The following EPHA6 variants were observed in gnomAD, a reference collection of about 807,000 sequenced individuals.
The protein encoded by EPHA6 is ephrin type-A receptor 6.
In EPHA6, 50 loss-of-function variants were observed where a neutral mutation model predicts 112.0. The ratio of observed to expected loss-of-function variants is 0.45; its 90% CI spans 0.36 to 0.56. The LOEUF (loss-of-function observed/expected upper bound fraction) is 0.56. Ranked by LOEUF, EPHA6 falls within the 20% of genes least tolerant of loss-of-function variation. EPHA6 has a pLI of 0.00. For synonymous variants in EPHA6, 529 were observed against 490.7 expected, an observed-to-expected ratio of 1.08 and a Z score of -1.03; for missense variants, 1,280 against 1,417.4, an observed-to-expected ratio of 0.90 and a Z score of 1.56.
intron 5 of EPHA6, among the ~76,000 whole-genome samples, chr3:97,321,144 T>C (rs1002064522): frequency 6.6e-6 from 1 of 152,004 alleles, no homozygotes; most frequent in Non-Finnish European, 1.5e-5. Context: ...GGAAATGGTT[T>C]ACTACTTATC....
chr3:97,157,447 A>G (rs2076314266), intron 3 of EPHA6, among the ~76,000 whole-genome samples: 1 of 152,150 alleles, frequency 6.6e-6, no homozygotes, highest in Non-Finnish European at 1.5e-5. Context: ...AGTACACATA[A>G]ATATTCAATT....
rs778925598 is a variant in EPHA6 at position 96,987,640 on chromosome 3, T to C, written c.761T>C (p.Met254Thr). 2.5e-6 allele frequency: 4 copies of C among 1,609,492 alleles called. No homozygotes were observed. The highest frequency in any genetic ancestry group is 2.2e-5 in the East Asian group (1 of 44,788). Reference sequence around the variant, plus strand: ...GCTGCTGATGAGAGTTTTACCCAGATGGATTTGGGTGATCGCATCCTCAAA... The same window carrying C: ...GCTGCTGATGAGAGTTTTACCCAGACGGATTTGGGTGATCGCATCCTCAAA... ...TIAADESFTQ[M>T]DLGDRILKLN... The change falls in exon 3 of 18, where the codon ATG becomes ACG. Residue 254 changes from methionine to threonine, a missense_variant. This residue lies in a region of EPHA6 where 878 missense variants were observed against 999.7 expected (regional missense o/e 0.88). Transcript: ENST00000389672.
At chr3:97,007,811 C>A (rs1024470343) in intron 3 of EPHA6, among the ~76,000 whole-genome samples, 3 of 152,244 alleles carry the variant, frequency 2.0e-5, no homozygotes, top group South Asian at 2.1e-4. Flanking sequence ...GTAATGAAAT[C>A]CCTGAGCATT....
chr3:97,281,734 A>G (rs777576292), intron 5 of EPHA6, among the ~76,000 whole-genome samples: 45 of 152,200 alleles, frequency 3.0e-4, no homozygotes, highest in Non-Finnish European at 4.1e-4. Flanking sequence ...CTTTACATGT[A>G]TTAATATATG....
intron 3 of EPHA6, among the ~76,000 whole-genome samples, chr3:97,220,080 C>T (rs1648318957): frequency 6.6e-6 from 1 of 152,176 alleles, no homozygotes; most frequent in Admixed American, 6.5e-5. Flanking sequence ...TAGCAAGAGT[C>T]ACCTTTATTC....
chr3:97,616,404 AG>A (rs1326491644), intron 13 of EPHA6, among the ~76,000 whole-genome samples: 1 of 152,172 alleles, frequency 6.6e-6, no homozygotes, highest in Non-Finnish European at 1.5e-5. Flanking sequence ...CTCTCCAGCA[AG>A]GGTTCAGAAC....
At chr3:97,641,424 G>A (rs2094002540) in intron 14 of EPHA6, among the ~76,000 whole-genome samples, 1 of 152,160 alleles carries the variant, frequency 6.6e-6, no homozygotes, top group Admixed American at 6.5e-5. Context: ...TATATGAAAA[G>A]GGTGGGGGAG....
rs187969718 is a variant in EPHA6, at chr3:97,353,838, G to A, written c.1607-51312G>A. On this transcript the variant is annotated intron_variant, in intron 5 of 17. Coordinates refer to ENST00000389672, the MANE Select transcript of EPHA6 (RefSeq NM_001080448.3). The stretch of plus-strand genomic sequence containing the variant: ...TTGGGCAAGACCCAGTACTGTGCTA[G>A]CTTCAGGTAAGACTCAGCATAGTCC... Among the ~76,000 whole-genome samples the A allele has an allele frequency of 2.6e-5, 4 of 152,306 alleles. No individual in the cohort carries two copies. In the East Asian group the frequency reaches 7.8e-4, roughly 30 times the overall value.
chr3:96,931,608 A>C (rs2040330327), intron 2 of EPHA6, among the ~76,000 whole-genome samples: 1 of 152,236 alleles, frequency 6.6e-6, no homozygotes. Context: ...CCTTTCATCC[A>C]GACTGTTTGC....
At position 97,626,170 on chromosome 3, in the gene EPHA6, C is replaced by T. The variant is rs541030802; in HGVS notation, c.2575-11703C>T. 4.0e-5 allele frequency among the ~76,000 whole-genome samples: 6 copies of T among 151,858 alleles called. No individual in the cohort carries two copies. In the East Asian group the frequency reaches 7.8e-4, roughly 20 times the overall value. ...GCAGGTGCAACCAACCAAAAATCTTCATCAAAGTTATTAATTGTATGCAAT... is the reference window on the plus strand; with the variant it reads ...GCAGGTGCAACCAACCAAAAATCTTTATCAAAGTTATTAATTGTATGCAAT... On this transcript the variant is annotated intron_variant, in intron 13 of 17. Transcript: ENST00000389672.
intron 3 of EPHA6, among the ~76,000 whole-genome samples, chr3:97,192,346 T>G (rs1302929667): frequency 6.6e-6 from 1 of 152,124 alleles, no homozygotes. Flanking sequence ...TTGGCCAGGC[T>G]GGTCTCGAAC....
chr3:97,258,958 A>C (rs2079407413), intron 5 of EPHA6, among the ~76,000 whole-genome samples: 1 of 152,224 alleles, frequency 6.6e-6, no homozygotes, highest in Non-Finnish European at 1.5e-5. Context: ...CTCCACTAGA[A>C]GGACACCTCT....
chr3:96,933,082 G>C (rs1224536057), intron 2 of EPHA6, among the ~76,000 whole-genome samples: 1 of 152,010 alleles, frequency 6.6e-6, no homozygotes, highest in African/African-American at 2.4e-5. Context: ...TCAGCCCCTT[G>C]GTGGTAGACT....
chr3:97,368,505 G>C (rs2084867769), intron 5 of EPHA6, among the ~76,000 whole-genome samples: 1 of 151,896 alleles, frequency 6.6e-6, no homozygotes. Context: ...ATACAAAATA[G>C]GTCAACCTAT....
chr3:97,757,569 AT>A lies in EPHA6; in HGVS notation c.*8875del, dbSNP rs1005999775. 7.3e-5 allele frequency among the ~76,000 whole-genome samples: 11 copies of A among 151,638 alleles called. No homozygotes were observed. The East Asian group carries it at 9.7e-4, about 13-fold the overall frequency. ...AAATTATCCCATGGATAATAAAGAG[AT>A]TTTTTTCCAGCCATCATTAAATATA... On this transcript the variant is annotated 3_prime_UTR_variant, in exon 18 of 18. Coordinates refer to ENST00000389672, the MANE Select transcript of EPHA6 (RefSeq NM_001080448.3).
chr3:97,650,896 G>A (rs150814548), intron 14 of EPHA6, among the ~76,000 whole-genome samples: 35 of 141,952 alleles, frequency 2.5e-4, no homozygotes, highest in African/African-American at 8.8e-4. Context: ...CTAAGAAATA[G>A]ACCTTGGAAG....
chr3:97,088,006 C>A (rs1267676668), intron 3 of EPHA6, among the ~76,000 whole-genome samples: 1 of 151,944 alleles, frequency 6.6e-6, no homozygotes, highest in Non-Finnish European at 1.5e-5. Flanking sequence ...CATGGTAAAA[C>A]CCCGTCTCTA....
chr3:97,392,793 GT>G (rs1224503212), intron 5 of EPHA6, among the ~76,000 whole-genome samples: 4 of 151,102 alleles, frequency 2.6e-5, no homozygotes, highest in Admixed American at 6.6e-5. Context: ...TATTATTTTA[GT>G]TTTTACCTTT....
intron 2 of EPHA6, among the ~76,000 whole-genome samples, chr3:96,943,486 G>A (rs1292497503): frequency 1.3e-5 from 2 of 152,058 alleles, no homozygotes; most frequent in East Asian, 3.9e-4. Flanking sequence ...AAATGCTTTT[G>A]AAAGTGTAGT....
Sources: gnomAD v4.1 joint callset for allele counts (sites outside exome capture counted in the v4.1 genomes callset) on GRCh38, gnomAD v4.1.1 for gene constraint, gnomAD v4.1.1 regional missense constraint, MANE v1.5 for transcripts, NCBI Gene and HGNC (gene_info 2026-07-23, HGNC 2026-07-21) for gene names.